GUCY2C: variants seen among roughly 807,000 people sequenced by gnomAD.
GUCY2C encodes the protein guanylate cyclase 2C.
GUCY2C carries 118 observed loss-of-function variants against 131.1 expected under a neutral mutation model. The ratio of observed to expected loss-of-function variants is 0.90; its 90% CI spans 0.78 to 1.05. The LOEUF (loss-of-function observed/expected upper bound fraction) is 1.05. Among genes scored for constraint, GUCY2C ranks in the 50% least tolerant of loss-of-function variants. GUCY2C has a pLI of 0.00. For synonymous variants in GUCY2C, 452 were observed against 457.8 expected, an observed-to-expected ratio of 0.99 and a Z score of 0.16; for missense variants, 1,161 against 1,304.4, an observed-to-expected ratio of 0.89 and a Z score of 1.69.
intron 18 of GUCY2C, among the ~76,000 whole-genome samples, chr12:14,640,592 C>T (rs1019900659): frequency 2.6e-5 from 4 of 152,320 alleles, no homozygotes; most frequent in African/African-American, 4.8e-5. Flanking sequence ...ACCCTCTCCA[C>T]GTCCCTTAGT....
chr12:14,666,105 A>AG (rs1360547330), intron 10 of GUCY2C: 1 of 152,284 alleles, frequency 6.6e-6, no homozygotes, highest in Non-Finnish European at 1.5e-5. Context: ...TGATTTATAT[A>AG]GGGCCCAGGG....
rs369563550 is a variant in GUCY2C at position 14,661,079 on chromosome 12, G to C, written c.1283-17C>G. 3.3e-6 allele frequency: 5 copies of C among 1,523,766 alleles called. No homozygotes were observed. In the East Asian group the frequency reaches 6.7e-5, roughly 21 times the overall value. The allele number at this position is 1,523,766 out of a possible 1,614,324, so 94.4% of individuals were successfully genotyped here. ...TCTGAGGGCCTGTGGCGGAAAATGC[G>C]TTAGGAAGGACCTTAGACAAGAGAG... On this transcript the variant is annotated splice_polypyrimidine_tract_variant and intron_variant, in intron 10 of 26. Coordinates refer to ENST00000261170, the MANE Select transcript of GUCY2C (RefSeq NM_004963.4).
chr12:14,662,294 A>G (rs1947883626), intron 10 of GUCY2C, among the ~76,000 whole-genome samples: 1 of 152,152 alleles, frequency 6.6e-6, no homozygotes, highest in Non-Finnish European at 1.5e-5. Flanking sequence ...ACAAAGTAAA[A>G]TGTGCCCTGA....
rs1256998352 is a variant in GUCY2C, at chr12:14,652,350, T to G, written c.1534-320A>C. On this transcript the variant is annotated intron_variant, in intron 13 of 26. Transcript: ENST00000261170. ...CCACCATGCCCGGCTAATTTTTGTA[T>G]TTTTAGGAGAAACGGGGTTTTGCCA... Among the ~76,000 whole-genome samples, 13 of 152,058 alleles carry G rather than the reference T, an allele frequency of 8.5e-5. 1 individual carries two copies. The highest frequency in any genetic ancestry group is 8.5e-4 in the Admixed American group (13 of 15,262).
chr12:14,641,257 G>T (rs1947397911), intron 17 of GUCY2C, 38 bp from the exon 18 acceptor site: 1 of 1,607,126 alleles, frequency 6.2e-7, no homozygotes. Flanking sequence ...AGTTGAGGGG[G>T]GTGAGTGGTT....
intron 20 of GUCY2C, among the ~76,000 whole-genome samples, chr12:14,628,014 C>T (rs1187019169): frequency 9.2e-5 from 14 of 152,136 alleles, no homozygotes; most frequent in Non-Finnish European, 2.1e-4. Context: ...AATTGATACC[C>T]AGTGAGGGTA....
At chr12:14,633,639 G>GAATACAGAAAAAT (rs1380795017) in intron 19 of GUCY2C, among the ~76,000 whole-genome samples, 1 of 135,120 alleles carries the variant, frequency 7.4e-6, no homozygotes, top group Non-Finnish European at 1.6e-5. Flanking sequence ...AGATATGGGA[G>GAATACAGAAAAAT]AATACAGAAA....
Position 14,674,751 on chromosome 12 carries a change from C to T in GUCY2C, c.958G>A (p.Asp320Asn), listed in dbSNP as rs1427102963. 2.5e-6 allele frequency: 4 copies of T among 1,602,814 alleles called. No individual in the cohort carries two copies. The South Asian group carries it at 3.3e-5, about 13-fold the overall frequency. ...CCATTCAAATAGGCAAGAGCAAAGTCTCGTTTTGTCTAAATAAAAAAGGAA... is the reference window on the plus strand; with the variant it reads ...CCATTCAAATAGGCAAGAGCAAAGTTTCGTTTTGTCTAAATAAAAAAGGAA... ...FSRNLSPTKR[D>N]FALAYLNGIL... Residue 320 changes from aspartate (D) to asparagine (N), a missense_variant, in exon 8 of 27, where the codon GAC (aspartate) becomes AAC (asparagine). Asp to Asn is a conservative substitution (Grantham distance 23). Coordinates refer to ENST00000261170, the MANE Select transcript of GUCY2C (RefSeq NM_004963.4).
chr12:14,646,153 A>C (rs1947519471), intron 15 of GUCY2C, among the ~76,000 whole-genome samples: 1 of 152,184 alleles, frequency 6.6e-6, no homozygotes, highest in African/African-American at 2.4e-5. Context: ...GGAATTTTCA[A>C]GTCACTATTT....
In GUCY2C at chr12:14,686,219, G is replaced by T; in HGVS notation, c.337C>A (p.Gln113Lys). ...LDLLRKISNA[Q>K]RMGCVLIGPS... is the part of the protein sequence containing the mutation. Reference sequence around the variant, plus strand: ...CCTATGAGGACACAGCCCATCCGTTGTGCATTCTGTAGGAGAGAAAACAAC... The same window carrying T: ...CCTATGAGGACACAGCCCATCCGTTTTGCATTCTGTAGGAGAGAAAACAAC... The change falls in exon 3 of 27, where the codon CAA becomes AAA. Residue 113 changes from glutamine (Q) to lysine (K), a missense_variant. By Grantham distance (53) the Gln-to-Lys change is moderately conservative (BLOSUM62 1). Transcript: ENST00000261170. 1 of 1,603,688 alleles carries T rather than the reference G, an allele frequency of 6.2e-7. No homozygotes were observed. Among genetic ancestry groups the T allele is most frequent in the Non-Finnish European group, 8.5e-7 (1 of 1,170,562 alleles).
chr12:14,685,748 C>T (rs949454270), intron 3 of GUCY2C, among the ~76,000 whole-genome samples: 17 of 152,258 alleles, frequency 1.1e-4, no homozygotes, highest in Admixed American at 9.2e-4. Context: ...ATTTTCCCCA[C>T]TTTTACCAGA....
intron 9 of GUCY2C, among the ~76,000 whole-genome samples, chr12:14,671,912 C>G (rs2900335): frequency 6.6e-6 from 1 of 152,072 alleles, no homozygotes; most frequent in Non-Finnish European, 1.5e-5. Flanking sequence ...CTAGAAACTA[C>G]GAATTACATT....
At chr12:14,614,011 C>A (rs10772798) in intron 26 of GUCY2C, among the ~76,000 whole-genome samples, 125,404 of 152,032 alleles carry the variant, frequency 0.82, 56,205 homozygotes, top group East Asian at 0.99. Flanking sequence ...AGACCCAGAA[C>A]CGCAGTCTTG....
At chr12:14,643,013 G>A (rs1175931783) in intron 17 of GUCY2C, among the ~76,000 whole-genome samples, 6 of 152,154 alleles carry the variant, frequency 3.9e-5, no homozygotes, top group Non-Finnish European at 7.4e-5. Context: ...TGTTCAACAC[G>A]AAAAGCCCTT....
intron 1 of GUCY2C, among the ~76,000 whole-genome samples, chr12:14,695,179 A>G (rs1413685769): frequency 6.6e-6 from 1 of 152,184 alleles, no homozygotes; most frequent in East Asian, 1.9e-4. Flanking sequence ...AGTGATCACC[A>G]ACCACGTTCT....
At chr12:14,625,183 T>C (rs1359871331) in intron 21 of GUCY2C, among the ~76,000 whole-genome samples, 1 of 152,128 alleles carries the variant, frequency 6.6e-6, no homozygotes, top group Non-Finnish European at 1.5e-5. Context: ...AGGTTTGAGA[T>C]TTTGAGGTCA....
intron 21 of GUCY2C, among the ~76,000 whole-genome samples, chr12:14,623,128 A>G (rs1267382353): frequency 6.6e-6 from 1 of 152,334 alleles, no homozygotes. Context: ...GGTCTAAAAA[A>G]GTATGACTTC....
Position 14,676,852 on chromosome 12 carries a change from A to G in GUCY2C, c.948+2T>C. The G allele has an allele frequency of 9.3e-7, 1 of 1,071,866 alleles. No homozygotes were observed. Among genetic ancestry groups the G allele is most frequent in the Non-Finnish European group, 1.4e-6 (1 of 727,220 alleles). The allele number at this position is 1,071,866 out of a possible 1,614,324, so 66.4% of individuals were successfully genotyped here. A position where few individuals can be genotyped will look rare whatever the true frequency, so the allele number is the denominator to read the frequency against. ...ATACTATAACATAAAATAATAGCTT[A>G]CTGGTGATAGATTCCTGGAGAAAGA... On this transcript the variant is annotated splice_donor_variant, in intron 7 of 26. Transcript: ENST00000261170. LOFTEE classifies it high-confidence loss of function.
intron 17 of GUCY2C, among the ~76,000 whole-genome samples, chr12:14,642,689 T>C (rs1947434973): frequency 6.6e-6 from 1 of 152,200 alleles, no homozygotes; most frequent in East Asian, 1.9e-4. Context: ...TGATAGGATT[T>C]GACCTGTAAT....
Sources: allele counts gnomAD v4.1 joint callset (sites outside exome capture counted in the v4.1 genomes callset), GRCh38; gene constraint gnomAD v4.1.1; transcripts MANE v1.5; gene names NCBI Gene and HGNC (gene_info 2026-07-23, HGNC 2026-07-21).